Variants in CHST9 observed in about 807,000 individuals in gnomAD.
CHST9 encodes the protein carbohydrate sulfotransferase 9, also known as GalNAc-4-sulfotransferase 2.
A neutral mutation model predicts 44.4 loss-of-function variants in CHST9; 41 were observed. The observed-to-expected ratio is 0.92, with a 90% CI of 0.72 to 1.20. The LOEUF (loss-of-function observed/expected upper bound fraction) is 1.20. CHST9 is among the 50% of genes most tolerant of loss of function. CHST9 has a pLI of 0.00. For missense variants in CHST9, 504 were observed against 516.5 expected, an observed-to-expected ratio of 0.98 and a Z score of 0.23; for synonymous variants, 171 against 178.4, an observed-to-expected ratio of 0.96 and a Z score of 0.33.
rs1270524199 is a variant in CHST9, at chr18:27,149,029, T to C, written c.-96-6124A>G. ...GCCAGTGATGATGAGCATTTTTTCA[T>C]GTGTTTTTTGGCTGCATGAATGTCT... On this transcript the variant is annotated intron_variant, in intron 1 of 5. Coordinates refer to ENST00000618847, the MANE Select transcript of CHST9 (RefSeq NM_031422.6). Among the ~76,000 whole-genome samples, 2 of 131,788 alleles carry C rather than the reference T, an allele frequency of 1.5e-5. 1 individual carries two copies. The highest frequency in any genetic ancestry group is 3.3e-5 in the Non-Finnish European group (2 of 59,776). The allele number at this position is 131,788 out of a possible 152,430, so 86.5% of individuals were successfully genotyped here.
intron 3 of CHST9, among the ~76,000 whole-genome samples, chr18:27,046,260 T>A (rs897743444): frequency 3.3e-5 from 5 of 152,052 alleles, no homozygotes; most frequent in African/African-American, 9.7e-5. Flanking sequence ...GTAGCTTTCA[T>A]CTTAGTGCAA....
At chr18:26,982,355 T>TTTG (rs2056701798) in intron 4 of CHST9, among the ~76,000 whole-genome samples, 2 of 131,754 alleles carry the variant, frequency 1.5e-5, no homozygotes, top group African/African-American at 5.8e-5. Context: ...TTTTTTTTTT[T>TTTG]GCCCTCTGCT....
At chr18:27,163,790 G>A (rs1466429708) in intron 1 of CHST9, among the ~76,000 whole-genome samples, 5 of 151,976 alleles carry the variant, frequency 3.3e-5, no homozygotes, top group African/African-American at 7.2e-5. Context: ...ACCCTGCTTC[G>A]GCTCACGCTC....
intron 4 of CHST9, among the ~76,000 whole-genome samples, chr18:26,948,785 G>T (rs920401752): frequency 1.3e-5 from 2 of 152,142 alleles, no homozygotes; most frequent in Non-Finnish European, 2.9e-5. Context: ...AAATAAGAAC[G>T]AATTTTGCAG....
chr18:27,131,467 C>G (rs2058471095), intron 2 of CHST9, among the ~76,000 whole-genome samples: 1 of 152,190 alleles, frequency 6.6e-6, no homozygotes, highest in African/African-American at 2.4e-5. Context: ...AGGAGAATTG[C>G]TTGAACCTGG....
chr18:26,959,063 A>G (rs1355132562), intron 4 of CHST9, among the ~76,000 whole-genome samples: 2 of 152,204 alleles, frequency 1.3e-5, no homozygotes, highest in East Asian at 3.9e-4. Flanking sequence ...CATGAAATCA[A>G]CCTAGGTGCC....
chr18:26,980,504 A>G (rs1423780791), intron 4 of CHST9, among the ~76,000 whole-genome samples: 1 of 152,192 alleles, frequency 6.6e-6, no homozygotes, highest in Non-Finnish European at 1.5e-5. Context: ...TGTTCAGTAC[A>G]TGCTATAATG....
At chr18:27,110,622 A>T (rs2058262981) in intron 2 of CHST9, among the ~76,000 whole-genome samples, 1 of 152,200 alleles carries the variant, frequency 6.6e-6, no homozygotes, top group African/African-American at 2.4e-5. Context: ...CACACTACCT[A>T]GAGGGAAAAG....
At chr18:27,073,447 GAAGTGAAA>G (rs1310738858) in intron 2 of CHST9, among the ~76,000 whole-genome samples, 1 of 151,966 alleles carries the variant, frequency 6.6e-6, no homozygotes, top group Non-Finnish European at 1.5e-5. Flanking sequence ...TCAAAGTGGG[GAAGTGAAA>G]CCCTTAGACT....
At chr18:27,013,565 T>A (rs566804980) in intron 4 of CHST9, among the ~76,000 whole-genome samples, 56 of 152,348 alleles carry the variant, frequency 3.7e-4, no homozygotes, top group African/African-American at 1.2e-3. Context: ...TCTAAAGATT[T>A]AATTCAAGAA....
intron 2 of CHST9, among the ~76,000 whole-genome samples, chr18:27,097,536 C>G (rs972503356): frequency 1.3e-5 from 2 of 152,110 alleles, no homozygotes; most frequent in South Asian, 4.1e-4. Flanking sequence ...TGATAAATGA[C>G]TTTACTATGG....
rs545620542 is a variant in CHST9, at chr18:26,913,066, G to A, written c.*3193C>T. The A allele has an allele frequency of 1.5e-4, 23 of 152,080 alleles. No homozygotes were observed. The highest frequency in any genetic ancestry group is 3.6e-4 in the African/African-American group (15 of 41,396). 9.4% of individuals were successfully genotyped at this position (152,080 alleles called of 1,614,324 possible). A position where few individuals can be genotyped will look rare whatever the true frequency, so the allele number is the denominator to read the frequency against. ...TACTGTAGTCCTAGCCTAATCCCAA[G>A]TTCTATTAATTCAGCAAGTGATTTT... On this transcript the variant is annotated 3_prime_UTR_variant, in exon 6 of 6. Transcript: ENST00000618847.
intron 2 of CHST9, among the ~76,000 whole-genome samples, chr18:27,075,142 T>TG (rs960398532): frequency 6.7e-6 from 1 of 149,670 alleles, no homozygotes; most frequent in African/African-American, 2.4e-5. Flanking sequence ...GAGAGGGTTT[T>TG]GGGGGTTGCT....
At chr18:26,982,337 AC>A (rs2056701278) in intron 4 of CHST9, among the ~76,000 whole-genome samples, 2 of 122,634 alleles carry the variant, frequency 1.6e-5, no homozygotes, top group Non-Finnish European at 3.3e-5. Flanking sequence ...AACTCCTTTT[AC>A]CTTTTTTTTT....
intron 2 of CHST9, among the ~76,000 whole-genome samples, chr18:27,120,144 C>T (rs1306344948): frequency 6.6e-6 from 1 of 152,066 alleles, no homozygotes; most frequent in Non-Finnish European, 1.5e-5. Context: ...ATTAGTTAAC[C>T]AATGATGAAA....
At chr18:26,924,744 TA>T (rs1425593806) in intron 5 of CHST9, 1 of 155,910 alleles carries the variant, frequency 6.4e-6, no homozygotes, top group Non-Finnish European at 1.4e-5. Context: ...CTACTCCTCT[TA>T]AATCTTGATT....
At chr18:27,064,392 C>G (rs761501571) in intron 2 of CHST9, among the ~76,000 whole-genome samples, 1 of 152,060 alleles carries the variant, frequency 6.6e-6, no homozygotes, top group African/African-American at 2.4e-5. Context: ...ATGATTAATA[C>G]AAGCAGAGCA....
intron 5 of CHST9, among the ~76,000 whole-genome samples, chr18:26,941,438 T>A (rs2056080706): frequency 6.6e-6 from 1 of 152,194 alleles, no homozygotes; most frequent in South Asian, 2.1e-4. Context: ...AAATTAGGAT[T>A]TTTACATTTA....
chr18:27,027,070 T>C (rs1598650770), intron 3 of CHST9, among the ~76,000 whole-genome samples: 2 of 152,316 alleles, frequency 1.3e-5, no homozygotes, highest in South Asian at 4.1e-4. Context: ...GTTGGAGAGC[T>C]TCACACAGCA....
Sources: allele counts gnomAD v4.1 joint callset (sites outside exome capture counted in the v4.1 genomes callset), GRCh38; gene constraint gnomAD v4.1.1; transcripts MANE v1.5; gene names NCBI Gene and HGNC (gene_info 2026-07-23, HGNC 2026-07-21).